The following JMY variants were observed in gnomAD, a reference collection of about 807,000 sequenced individuals.
JMY encodes junction-mediating and -regulatory protein.
A neutral mutation model predicts 103.3 loss-of-function variants in JMY; 46 were observed. That is an observed-to-expected ratio of 0.45 (90% CI 0.35 to 0.57). JMY has a LOEUF of 0.57. Among genes scored for constraint, JMY ranks in the 20% least tolerant of loss-of-function variants. JMY has a pLI of 0.00. For synonymous variants in JMY, 526 were observed against 489.3 expected, an observed-to-expected ratio of 1.07 and a Z score of -0.99; for missense variants, 1,238 against 1,255.2, an observed-to-expected ratio of 0.99 and a Z score of 0.21.
Position 79,282,224 on chromosome 5 carries a change from TAAG to T in JMY, c.1206+4144_1206+4146del, listed in dbSNP as rs1347524836. Among the ~76,000 whole-genome samples the T allele has an allele frequency of 2.0e-5, 3 of 151,706 alleles. No individual in the cohort carries two copies. The East Asian group carries it at 5.8e-4, about 29-fold the overall frequency. ...ACTGTCTCAAAAAATAAAAAAAAAA[TAAG>T]AAATTCTAGAAATGATGATTTTGAT... is the stretch of plus-strand genomic sequence containing the variant. On this transcript the variant is annotated intron_variant, in intron 2 of 10. Transcript: ENST00000396137.
At chr5:79,252,548 G>A (rs889577214) in intron 1 of JMY, among the ~76,000 whole-genome samples, 5 of 152,054 alleles carry the variant, frequency 3.3e-5, no homozygotes, top group African/African-American at 4.8e-5. Context: ...TCTGTCCTGC[G>A]CTGAAAGTGG....
Position 79,236,803 on chromosome 5 carries a change from C to G in JMY, c.153C>G (p.Ala51=). 1 of 1,491,822 alleles carries G rather than the reference C, an allele frequency of 6.7e-7. No homozygotes were observed. Among genetic ancestry groups the G allele is most frequent in the Non-Finnish European group, 8.9e-7 (1 of 1,117,856 alleles). 92.4% of individuals were successfully genotyped at this position (1,491,822 alleles called of 1,614,324 possible). The part of the protein sequence containing the change: ...KFAITCHNRT[A]QRQRSGSREQ... ...CCATAACCTGCCACAACCGGACGGC[C>G]CAGAGGCAGAGGAGCGGCTCCCGGG... The change falls in exon 1 of 11, where the codon GCC becomes GCG. Residue 51 remains alanine, a synonymous_variant. Transcript: ENST00000396137.
At position 79,270,522 on chromosome 5, in the gene JMY, T is replaced by C. The variant is rs866578550; in HGVS notation, c.1033-7388T>C. Among the ~76,000 whole-genome samples the C allele has an allele frequency of 6.8e-5, 6 of 88,364 alleles. 1 individual carries two copies. The East Asian group carries it at 1.1e-3, about 16-fold the overall frequency. 58.0% of individuals were successfully genotyped at this position (88,364 alleles called of 152,430 possible). On this transcript the variant is annotated intron_variant, in intron 1 of 10. Coordinates refer to ENST00000396137, the MANE Select transcript of JMY (RefSeq NM_152405.5). ...TATATATTTACATAAATATTTAAAA[T>C]ATATATTTACATAAATATTTAAAAT... is the stretch of plus-strand genomic sequence containing the variant.
intron 1 of JMY, among the ~76,000 whole-genome samples, chr5:79,259,370 G>T (rs1410293718): frequency 6.6e-6 from 1 of 152,172 alleles, no homozygotes; most frequent in East Asian, 1.9e-4. Context: ...GAAATGGTCC[G>T]TGGGCAAACA....
intron 1 of JMY, among the ~76,000 whole-genome samples, chr5:79,253,944 CTTT>C (rs562468793): frequency 8.4e-5 from 11 of 131,446 alleles, no homozygotes; most frequent in Admixed American, 2.3e-4. Context: ...TGGTAGATGA[CTTT>C]TTTTTTTTTT....
At chr5:79,299,558 G>A (rs1298265855) in intron 4 of JMY, among the ~76,000 whole-genome samples, 1 of 151,708 alleles carries the variant, frequency 6.6e-6, no homozygotes, top group Non-Finnish European at 1.5e-5. Context: ...CTCACTTTAA[G>A]TTCAGCCTAG....
At chr5:79,284,056 T>C (rs13156310) in intron 2 of JMY, 131 of 807,886 alleles carry the variant, frequency 1.6e-4, no homozygotes, top group Non-Finnish European at 2.1e-4. Flanking sequence ...TACTTTCTTT[T>C]TTTTATTTTT....
rs1204431204 is a variant in JMY, at chr5:79,270,337, A to AAT, written c.1033-7566_1033-7565dup. ...AATATATATTTACATAAATATTTAAAATATATATTTACATAAATATTTAAA... is the reference window on the plus strand; with the variant it reads ...AATATATATTTACATAAATATTTAAAATATATATATTTACATAAATATTTAAA... On this transcript the variant is annotated intron_variant, in intron 1 of 10. Transcript: ENST00000396137. 3.8e-4 allele frequency among the ~76,000 whole-genome samples: 39 copies of AAT among 102,880 alleles called. 1 individual carries two copies. Among genetic ancestry groups the AAT allele is most frequent in the Admixed American group, 2.2e-3 (21 of 9,718 alleles). The allele number at this position is 102,880 out of a possible 152,430, so 67.5% of individuals were successfully genotyped here. A position where few individuals can be genotyped will look rare whatever the true frequency, so the allele number is the denominator to read the frequency against.
chr5:79,302,378 T>G (rs1332812212), intron 6 of JMY, among the ~76,000 whole-genome samples: 1 of 152,178 alleles, frequency 6.6e-6, no homozygotes, highest in East Asian at 1.9e-4. Flanking sequence ...GAGCAAGGCA[T>G]AGTCCCTGCT....
intron 1 of JMY, among the ~76,000 whole-genome samples, chr5:79,255,128 C>CTTTTTTTTTTT (rs71615518): frequency 0.34 from 46,141 of 137,534 alleles, 8,177 homozygotes; most frequent in South Asian, 0.48. Context: ...TCTCTCTCTC[C>CTTTTTTTTTTT]TTTTTTTTGA....
intron 1 of JMY, among the ~76,000 whole-genome samples, chr5:79,262,369 AATGCCCATAGC>A (rs1745451291): frequency 6.6e-6 from 1 of 152,202 alleles, no homozygotes; most frequent in African/African-American, 2.4e-5. Flanking sequence ...ATAACCTGCA[AATGCCCATAGC>A]TCAGTTTATT....
intron 6 of JMY, among the ~76,000 whole-genome samples, chr5:79,305,709 A>G (rs1746861161): frequency 1.3e-5 from 2 of 152,102 alleles, no homozygotes; most frequent in Admixed American, 1.3e-4. Flanking sequence ...AATAATTTTG[A>G]TAATTTTGAC....
At position 79,275,779 on chromosome 5, in the gene JMY, ATATT is replaced by A. The variant is rs1213975173; in HGVS notation, c.1033-2129_1033-2126del. ...CCTTAAAAAAACAGAATGATAGCTA[ATATT>A]TGTTTGGCACTTTTTTTGTTATAAA... On this transcript the variant is annotated intron_variant, in intron 1 of 10. Coordinates refer to ENST00000396137, the MANE Select transcript of JMY (RefSeq NM_152405.5). Among the ~76,000 whole-genome samples the A allele has an allele frequency of 2.6e-5, 4 of 152,340 alleles. No individual in the cohort carries two copies. In the South Asian group the frequency reaches 8.3e-4, roughly 32 times the overall value.
intron 1 of JMY, among the ~76,000 whole-genome samples, chr5:79,260,732 CT>C (rs66488906): frequency 0.29 from 44,068 of 150,428 alleles, 7,464 homozygotes; most frequent in South Asian, 0.45. Context: ...TCCCTTGAGT[CT>C]TTTTTTTTCT....
At chr5:79,238,735 C>T (rs549802617) in intron 1 of JMY, among the ~76,000 whole-genome samples, 29 of 151,438 alleles carry the variant, frequency 1.9e-4, no homozygotes, top group Non-Finnish European at 4.0e-4. Flanking sequence ...GCAGCCTCCC[C>T]CTCCCGGGTT....
intron 8 of JMY, among the ~76,000 whole-genome samples, chr5:79,313,064 G>A (rs535980208): frequency 6.6e-6 from 1 of 152,202 alleles, no homozygotes; most frequent in South Asian, 2.1e-4. Flanking sequence ...GCATGCTGAA[G>A]GATCACTTTG....
intron 1 of JMY, among the ~76,000 whole-genome samples, chr5:79,258,305 G>GTTTTTTTTTTTTTTTTTTTT (rs199879072): frequency 8.5e-6 from 1 of 117,024 alleles, no homozygotes. Flanking sequence ...GGCTTTTTTT[G>GTTTTTTTTTTTTTTTTTTTT]TTTTTGTTGT....
At chr5:79,314,205 A>G (rs1747134964) in intron 8 of JMY, 52 bp from the exon 9 acceptor site, 1 of 1,543,912 alleles carries the variant, frequency 6.5e-7, no homozygotes, top group Non-Finnish European at 8.7e-7. Flanking sequence ...GCATGTGCTC[A>G]TAAATTGTTT....
rs1744489944 is a variant in JMY at position 79,236,338 on chromosome 5, CCT to C, written c.-311_-310del. 1 of 221,744 alleles carries C rather than the reference CCT, an allele frequency of 4.5e-6. No individual in the cohort carries two copies. The highest frequency in any genetic ancestry group is 8.8e-6 in the Non-Finnish European group (1 of 113,984). 13.7% of individuals were successfully genotyped at this position (221,744 alleles called of 1,614,324 possible). A position where few individuals can be genotyped will look rare whatever the true frequency, so the allele number is the denominator to read the frequency against. On this transcript the variant is annotated 5_prime_UTR_variant, in exon 1 of 11. Transcript: ENST00000396137. ...GAGCGCCGCAGACGCAGCTCCACGGCCTCGCGCGGGGGGCGGCGGGCGGCCGC... is the reference window on the plus strand; with the variant it reads ...GAGCGCCGCAGACGCAGCTCCACGGCCGCGCGGGGGGCGGCGGGCGGCCGC...
Sources: allele counts gnomAD v4.1 joint callset (sites outside exome capture counted in the v4.1 genomes callset), GRCh38; gene constraint gnomAD v4.1.1; transcripts MANE v1.5; gene names NCBI Gene and HGNC (gene_info 2026-07-23, HGNC 2026-07-21).